Variants in SGCD observed in about 807,000 individuals in gnomAD.
The protein encoded by SGCD is delta-sarcoglycan.
Under a neutral mutation model 36.6 loss-of-function variants are expected in SGCD, and 18 were observed. The observed-to-expected ratio is 0.49, with a 90% CI of 0.34 to 0.73. The LOEUF (loss-of-function observed/expected upper bound fraction) is 0.73, where lower values mean the gene tolerates loss of function less well. SGCD is among the 30% of genes least tolerant of loss of function. The pLI, the probability that SGCD is intolerant of heterozygous loss-of-function variation, is 0.01. For synonymous variants in SGCD, 133 were observed against 130.6 expected (o/e 1.02, Z -0.12); for missense variants, 387 against 346.7 (o/e 1.12, Z -0.92).
chr5:155,915,795 G>T (rs555989911), intron 1 of SGCD, among the ~76,000 whole-genome samples: 1 of 152,124 alleles, frequency 6.6e-6, no homozygotes, highest in Non-Finnish European at 1.5e-5. Flanking sequence ...TTAAATTGGC[G>T]TTTGAGTACA....
intron 3 of SGCD, among the ~76,000 whole-genome samples, chr5:156,214,795 G>T (rs74680270): frequency 5.9e-5 from 9 of 152,000 alleles, no homozygotes; most frequent in African/African-American, 2.2e-4. Flanking sequence ...ATAAATCCAC[G>T]CATTTACAGT....
intron 3 of SGCD, among the ~76,000 whole-genome samples, chr5:156,469,315 C>T (rs1459624680): frequency 6.6e-6 from 1 of 152,152 alleles, no homozygotes; most frequent in Non-Finnish European, 1.5e-5. Context: ...TGTTATTAAA[C>T]AGTCCAAAAG....
In SGCD at chr5:156,071,505, G is replaced by A. The variant is rs1480919508; in HGVS notation, c.-281-46373G>A. On this transcript the variant is annotated intron_variant, in intron 1 of 9. Coordinates refer to the SGCD transcript ENST00000517913. Reference sequence around the variant, plus strand: ...ACTGTGGTCTGAGAGACAGTTTGTTGTAATTTCTGTTCTTTTACATTTGCT... The same window carrying A: ...ACTGTGGTCTGAGAGACAGTTTGTTATAATTTCTGTTCTTTTACATTTGCT... Among the ~76,000 whole-genome samples, 8 of 152,156 alleles carry A rather than the reference G, an allele frequency of 5.3e-5. No individual in the cohort carries two copies. In the East Asian group the frequency reaches 7.7e-4, roughly 15 times the overall value.
At chr5:156,436,635 A>G (rs889053531) in intron 3 of SGCD, among the ~76,000 whole-genome samples, 7 of 152,230 alleles carry the variant, frequency 4.6e-5, no homozygotes, top group African/African-American at 1.4e-4. Context: ...AGACTAAATC[A>G]GAATCCACAT....
rs117220336 is a variant in SGCD at position 155,879,084 on chromosome 5, A to T, written c.-282+8660A>T. Among the ~76,000 whole-genome samples the T allele has an allele frequency of 1.3e-4, 20 of 152,226 alleles. No individual in the cohort carries two copies. The East Asian group carries it at 3.7e-3, about 28-fold the overall frequency. ...AGGCACCACATCTGCACACTTAAAAAAAAAAAGTATTTGGACTGGAGGCTA... is the reference window on the plus strand; with the variant it reads ...AGGCACCACATCTGCACACTTAAAATAAAAAAGTATTTGGACTGGAGGCTA... On this transcript the variant is annotated intron_variant, in intron 1 of 9. Coordinates refer to the SGCD transcript ENST00000517913.
At chr5:156,295,240 G>A (rs1055062686) in intron 3 of SGCD, among the ~76,000 whole-genome samples, 1 of 151,936 alleles carries the variant, frequency 6.6e-6, no homozygotes. Flanking sequence ...ATTTTCTATA[G>A]GTCATCTAAT....
At chr5:156,396,565 A>T (rs1771860909) in intron 3 of SGCD, among the ~76,000 whole-genome samples, 2 of 152,100 alleles carry the variant, frequency 1.3e-5, no homozygotes, top group Non-Finnish European at 2.9e-5. Flanking sequence ...TGCCAACAGT[A>T]TTGATTGGTT....
chr5:156,672,037 C>A (rs1753317830), intron 7 of SGCD, among the ~76,000 whole-genome samples: 1 of 152,094 alleles, frequency 6.6e-6, no homozygotes, highest in Admixed American at 6.5e-5. Context: ...TCCTCTAGGC[C>A]CTGCCTCCAT....
intron 5 of SGCD, among the ~76,000 whole-genome samples, chr5:156,590,308 C>T (rs1760676967): frequency 6.6e-6 from 1 of 152,038 alleles, no homozygotes; most frequent in African/African-American, 2.4e-5. Flanking sequence ...CCACTCTTCC[C>T]CTGGAGTGCT....
intron 1 of SGCD, among the ~76,000 whole-genome samples, chr5:156,098,837 T>C (rs1205956690): frequency 6.6e-6 from 1 of 152,256 alleles, no homozygotes; most frequent in African/African-American, 2.4e-5. Flanking sequence ...TTACTGTAGC[T>C]GAGTCTCTCT....
At chr5:155,894,955 G>A (rs1756214870) in intron 1 of SGCD, among the ~76,000 whole-genome samples, 1 of 152,182 alleles carries the variant, frequency 6.6e-6, no homozygotes, top group Non-Finnish European at 1.5e-5. Context: ...TGCCTTCTAT[G>A]AAACTGGTCC....
At position 156,595,171 on chromosome 5, in the gene SGCD, C is replaced by T. The variant is rs1760877873; in HGVS notation, c.502+120C>T. The T allele has an allele frequency of 2.5e-6, 3 of 1,205,020 alleles. No homozygotes were observed. In the South Asian group the frequency reaches 4.8e-5, roughly 19 times the overall value. The allele number at this position is 1,205,020 out of a possible 1,614,324, so 74.6% of individuals were successfully genotyped here. ...AAATTCATATATCGAAATCCTAACT[C>T]CCAAGATAATGGTATTAGGAGGTGG... is the stretch of plus-strand genomic sequence containing the variant. On this transcript the variant is annotated intron_variant, in intron 6 of 8. Coordinates refer to ENST00000337851, the MANE Select transcript of SGCD (RefSeq NM_000337.6).
chr5:156,703,136 C>G (rs542704747), intron 7 of SGCD, among the ~76,000 whole-genome samples: 1 of 152,262 alleles, frequency 6.6e-6, no homozygotes, highest in East Asian at 1.9e-4. Flanking sequence ...TAATAAAGTC[C>G]CTTGTTTCTG....
chr5:156,692,831 TA>T (rs1408092476), intron 7 of SGCD, among the ~76,000 whole-genome samples: 9 of 152,234 alleles, frequency 5.9e-5, no homozygotes, highest in African/African-American at 2.2e-4. Context: ...CATTGTAACC[TA>T]ATTAGCCTGC....
intron 6 of SGCD, among the ~76,000 whole-genome samples, chr5:156,595,681 G>C (rs1056005158): frequency 2.6e-5 from 4 of 152,202 alleles, no homozygotes; most frequent in African/African-American, 9.7e-5. Flanking sequence ...ACTGGCAGGC[G>C]TGCTTGACGC....
At chr5:156,148,244 A>T (rs1762752965) in intron 3 of SGCD, among the ~76,000 whole-genome samples, 1 of 152,230 alleles carries the variant, frequency 6.6e-6, no homozygotes, top group Non-Finnish European at 1.5e-5. Flanking sequence ...GATTTTGAGC[A>T]ATAGATATAT....
intron 3 of SGCD, among the ~76,000 whole-genome samples, chr5:156,126,931 G>A (rs559178172): frequency 6.6e-6 from 1 of 152,180 alleles, no homozygotes; most frequent in Non-Finnish European, 1.5e-5. Flanking sequence ...ACTTCTTGGA[G>A]AAAGGTCCAG....
At chr5:155,734,511 AC>A in the SGCD span, among the ~76,000 whole-genome samples, 1 of 152,276 alleles carries the variant, frequency 6.6e-6, no homozygotes, top group Non-Finnish European at 1.5e-5. Context: ...TACTTGGCCC[AC>A]ACAGATTCTA....
intron 1 of SGCD, among the ~76,000 whole-genome samples, chr5:156,109,561 A>G (rs1761734700): frequency 6.6e-6 from 1 of 152,148 alleles, no homozygotes; most frequent in Admixed American, 6.5e-5. Flanking sequence ...CAAAATATGC[A>G]ACTCATCCAT....
Sources: allele counts gnomAD v4.1 joint callset (sites outside exome capture counted in the v4.1 genomes callset), GRCh38; gene constraint gnomAD v4.1.1; transcripts MANE v1.5; gene names NCBI Gene and HGNC (gene_info 2026-07-23, HGNC 2026-07-21).